Variants in SCN2B observed in about 807,000 individuals in gnomAD.
SCN2B encodes the protein sodium voltage-gated channel beta subunit 2, also known as sodium channel regulatory subunit beta-2.
Under a neutral mutation model 18.2 loss-of-function variants are expected in SCN2B, and 14 were observed. That is an observed-to-expected ratio of 0.77 (90% CI 0.51 to 1.21). The LOEUF (loss-of-function observed/expected upper bound fraction) is 1.21, where lower values mean the gene tolerates loss of function less well. SCN2B is among the 50% of genes most tolerant of loss of function. The pLI is 0.00. For missense variants in SCN2B, 262 were observed against 286.9 expected (o/e 0.91, Z 0.63); for synonymous variants, 115 against 115.3 (o/e 1.00, Z 0.02).
rs1565461687 is a variant in SCN2B, at chr11:118,163,851, CAT to C, written c.*3034_*3035del. The C allele has an allele frequency of 1.3e-5, 2 of 152,216 alleles. No individual in the cohort carries two copies. The allele number at this position is 152,216 out of a possible 1,614,324, so 9.4% of individuals were successfully genotyped here. The stretch of plus-strand genomic sequence containing the variant: ...GGTAGGGAAATGGCTGCTGTGGAAA[CAT>C]CTCTCTGGTTTTCCACCTCTACTTA... On this transcript the variant is annotated 3_prime_UTR_variant, in exon 4 of 4. Transcript: ENST00000278947.
rs1948352231 is a variant in SCN2B, at chr11:118,163,690, AG to A, written c.*3196del. On this transcript the variant is annotated 3_prime_UTR_variant, in exon 4 of 4. Transcript: ENST00000278947. ...GGGCAGAGGGAGGTTCTGAGAGAGC[AG>A]GAGAGGCTGGGGCAGTTGAGAAAGT... 1 of 152,492 alleles carries A rather than the reference AG, an allele frequency of 6.6e-6. No homozygotes were observed. The highest frequency in any genetic ancestry group is 2.4e-5 in the African/African-American group (1 of 41,432). 9.4% of individuals were successfully genotyped at this position (152,492 alleles called of 1,614,324 possible). A position where few individuals can be genotyped will look rare whatever the true frequency, so the allele number is the denominator to read the frequency against.
At chr11:118,167,184 C>T in intron 3 of SCN2B, 98 bp from the exon 4 acceptor site, 1 of 1,269,226 alleles carries the variant, frequency 7.9e-7, no homozygotes, top group Non-Finnish European at 1.1e-6. Flanking sequence ...CCTGACTTTA[C>T]TCTCCTCCAC....
rs1022090325 is a variant in SCN2B, at chr11:118,168,804, G to A, written c.71-53C>T. The stretch of plus-strand genomic sequence containing the variant: ...GAGTCTGGCTGAAAGGGCTGGGGAG[G>A]GGCAAGCCCTCTGTGCCTGGGAGTG... On this transcript the variant is annotated intron_variant, in intron 1 of 3. Coordinates refer to ENST00000278947, the MANE Select transcript of SCN2B (RefSeq NM_004588.5). This position sits in a 1 kb window ranked among gnomAD's most constrained non-coding sequence, Gnocchi z 4.7. The A allele has an allele frequency of 1.6e-5, 26 of 1,599,144 alleles. No homozygotes were observed. Among genetic ancestry groups the A allele is most frequent in the East Asian group, 6.7e-5 (3 of 44,808 alleles).
rs1264534993 is a variant in SCN2B at position 118,174,093 on chromosome 11, T to TTTGTTG, written c.70+2268_70+2269insCAACAA. On this transcript the variant is annotated intron_variant, in intron 1 of 3. Transcript: ENST00000278947. ...CATGCCTGGCTTATTTTTCTTTTCT[T>TTTGTTG]TTTTTTTTTTTTTTTTTTTTTTTTT... 2.5e-4 allele frequency among the ~76,000 whole-genome samples: 11 copies of TTTGTTG among 43,188 alleles called. 1 individual carries two copies. Among genetic ancestry groups the TTTGTTG allele is most frequent in the African/African-American group, 8.6e-4 (11 of 12,818 alleles). 28.3% of individuals were successfully genotyped at this position (43,188 alleles called of 152,430 possible).
rs751437266 is a variant in SCN2B, at chr11:118,168,672, G to A, written c.150C>T (p.Cys50=). Residue 50 remains cysteine, a synonymous_variant, in exon 2 of 4, where the codon TGC becomes TGT. Transcript: ENST00000278947. The surrounding 1 kb of genome is among the most constrained non-coding windows in gnomAD (Gnocchi z 4.7). ...TCACTGTGTAGCAGGAGTTGAAGGT[G>A]CAGGGCAGGCGGGCGTCAGAGCCAT... ...VLNGSDARLP[C]TFNSCYTVNH... The A allele has an allele frequency of 2.5e-6, 4 of 1,614,124 alleles. No homozygotes were observed. In the Admixed American group the frequency reaches 5.0e-5, roughly 20 times the overall value.
chr11:118,171,880 G>C (rs998238665), intron 1 of SCN2B, among the ~76,000 whole-genome samples: 1 of 152,232 alleles, frequency 6.6e-6, no homozygotes, highest in Non-Finnish European at 1.5e-5. Flanking sequence ...CTGGAGCTGA[G>C]ATCAGAAACC....
chr11:118,168,558 T>G lies in SCN2B; in HGVS notation c.237+27A>C. 1 of 1,613,844 alleles carries G rather than the reference T, an allele frequency of 6.2e-7. No homozygotes were observed. Among genetic ancestry groups the G allele is most frequent in the Non-Finnish European group, 8.5e-7 (1 of 1,179,822 alleles). ...GCCATGGGGCTCCTACCTCCTCCCC[T>G]GCCCCTGCCTTCAGCCCAGGACTCA... is the stretch of plus-strand genomic sequence containing the variant. On this transcript the variant is annotated intron_variant, in intron 2 of 3. Transcript: ENST00000278947. The surrounding 1 kb of genome is among the most constrained non-coding windows in gnomAD (Gnocchi z 4.7).
intron 3 of SCN2B, among the ~76,000 whole-genome samples, 192 bp from the exon 4 acceptor site, chr11:118,167,278 C>T (rs532593030): frequency 1.1e-4 from 17 of 152,334 alleles, no homozygotes; most frequent in African/African-American, 4.1e-4. Flanking sequence ...ACACCCAAAG[C>T]CCCCAGAGGA....
chr11:118,169,816 T>C (rs1218303831), intron 1 of SCN2B, among the ~76,000 whole-genome samples: 4 of 152,074 alleles, frequency 2.6e-5, no homozygotes, highest in Non-Finnish European at 4.4e-5. Flanking sequence ...CCTGTCCCAC[T>C]CCGACATTCT....
At position 118,168,750 on chromosome 11, in the gene SCN2B, C is replaced by T. The variant is rs1259687873; in HGVS notation, c.72G>A (p.Val24=). Residue 24 remains valine, a splice_region_variant and synonymous_variant, in exon 2 of 4, where the codon GTG becomes GTA. Coordinates refer to ENST00000278947, the MANE Select transcript of SCN2B (RefSeq NM_004588.5). The surrounding 1 kb of genome is among the most constrained non-coding windows in gnomAD (Gnocchi z 4.7). ...TGACCTCCATGCTCCGTCCTGGTGG[C>T]ACTGCAGATGAAGCCACAAGCTGGT... ...LTGLSLFFSL[V]PPGRSMEVTV... The T allele has an allele frequency of 1.9e-6, 3 of 1,614,072 alleles. No homozygotes were observed. Among genetic ancestry groups the T allele is most frequent in the South Asian group, 1.1e-5 (1 of 91,090 alleles).
chr11:118,167,367 C>T (rs776889846), intron 3 of SCN2B, among the ~76,000 whole-genome samples: 5 of 152,272 alleles, frequency 3.3e-5, no homozygotes, highest in East Asian at 1.9e-4. Flanking sequence ...GTACAACTTA[C>T]GAATTGCGTG....
In SCN2B at chr11:118,168,099, T is replaced by C. The variant is rs371375392; in HGVS notation, c.434A>G (p.Gln145Arg). ...CCAGCCTTCACCTTCCATGAGGACC[T>C]GCAGATGGATCTTGCCATGGCCACG... ...RHRGHGKIHL[Q>R]VLMEEPPERD... Residue 145 changes from glutamine to arginine, a missense_variant, in exon 3 of 4, where the codon CAG (glutamine) becomes CGG (arginine). By Grantham distance (43) the Gln-to-Arg change is conservative. Transcript: ENST00000278947. The surrounding 1 kb of genome is among the most constrained non-coding windows in gnomAD (Gnocchi z 4.7). 8.7e-6 allele frequency: 14 copies of C among 1,613,822 alleles called. No homozygotes were observed. In the African/African-American group the frequency reaches 1.1e-4, roughly 12 times the overall value.
Position 118,176,379 on chromosome 11 carries a change from C to A in SCN2B, c.53G>T (p.Ser18Ile). The change falls in exon 1 of 4, where the codon AGT (serine) becomes ATT (isoleucine). Residue 18 changes from serine to isoleucine, a missense_variant. Transcript: ENST00000278947. ...TAACTTACCCAAAGAGAAAAAGAGA[C>A]TGAGCCCCGTGAGGCTGAAGGCAGG... ...PRPAFSLTGLSLFFSLVPPGR... is the reference protein window; with the variant it reads ...PRPAFSLTGLILFFSLVPPGR... 1 of 1,614,032 alleles carries A rather than the reference C, an allele frequency of 6.2e-7. No homozygotes were observed. Among genetic ancestry groups the A allele is most frequent in the East Asian group, 2.2e-5 (1 of 44,882 alleles).
intron 1 of SCN2B, among the ~76,000 whole-genome samples, chr11:118,175,151 T>C (rs1343098844): frequency 2.0e-5 from 3 of 152,250 alleles, no homozygotes; most frequent in Admixed American, 6.5e-5. Flanking sequence ...AGCATTCTTA[T>C]GTTAGCCATC....
At position 118,166,750 on chromosome 11, in the gene SCN2B, C is replaced by A. The variant is rs1320451376; in HGVS notation, c.*137G>T. On this transcript the variant is annotated 3_prime_UTR_variant, in exon 4 of 4. Coordinates refer to ENST00000278947, the MANE Select transcript of SCN2B (RefSeq NM_004588.5). ...TGGTGCAGGGTGGGAGATACGAAGTCGGGGGTTCAGGAGGCCCCAGGTGGG... is the reference window on the plus strand; with the variant it reads ...TGGTGCAGGGTGGGAGATACGAAGTAGGGGGTTCAGGAGGCCCCAGGTGGG... The A allele has an allele frequency of 2.1e-6, 2 of 936,822 alleles. No homozygotes were observed. The highest frequency in any genetic ancestry group is 3.9e-5 in the Admixed American group (2 of 51,274). 58.0% of individuals were successfully genotyped at this position (936,822 alleles called of 1,614,324 possible). A position where few individuals can be genotyped will look rare whatever the true frequency, so the allele number is the denominator to read the frequency against.
At position 118,167,037 on chromosome 11, in the gene SCN2B, G is replaced by A. The variant is rs200709238; in HGVS notation, c.498C>T (p.Val166=). Residue 166 remains valine (V), a synonymous_variant, in exon 4 of 4, where the codon GTC becomes GTT. Coordinates refer to ENST00000278947, the MANE Select transcript of SCN2B (RefSeq NM_004588.5). ...STVAVIVGAS[V]GGFLAVVILV... is the part of the protein sequence containing the mutation. ...AGATGACCACAGCCAGGAAGCCCCC[G>A]ACGGAGGCACCCACAATCACGGCCA... 1.1e-4 allele frequency: 182 copies of A among 1,613,580 alleles called. No individual in the cohort carries two copies. In the Middle Eastern group the frequency reaches 1.7e-3, roughly 15 times the overall value.
At chr11:118,173,677 T>C (rs547649791) in intron 1 of SCN2B, among the ~76,000 whole-genome samples, 72 of 152,342 alleles carry the variant, frequency 4.7e-4, no homozygotes, top group Non-Finnish European at 8.1e-4. Flanking sequence ...TTGCCATACA[T>C]ACAATGTTGT....
rs139441684 is a variant in SCN2B at position 118,164,175 on chromosome 11, C to G, written c.*2712G>C. 1.2e-4 allele frequency: 19 copies of G among 152,328 alleles called. No individual in the cohort carries two copies. Among genetic ancestry groups the G allele is most frequent in the African/African-American group, 4.3e-4 (18 of 41,556 alleles). 9.4% of individuals were successfully genotyped at this position (152,328 alleles called of 1,614,324 possible). ...ACTAGGAAAGCCCGCAAATAATTCC[C>G]CTAAATGTTATGGATCCTGGAAAAA... On this transcript the variant is annotated 3_prime_UTR_variant, in exon 4 of 4. Transcript: ENST00000278947.
At chr11:118,172,474 G>A (rs923411083) in intron 1 of SCN2B, among the ~76,000 whole-genome samples, 3 of 152,188 alleles carry the variant, frequency 2.0e-5, no homozygotes, top group Non-Finnish European at 2.9e-5. Flanking sequence ...CAAGGCATCC[G>A]ATCTCTTGCC....
Sources: gnomAD v4.1 joint callset for allele counts (sites outside exome capture counted in the v4.1 genomes callset) on GRCh38, gnomAD v4.1.1 for gene constraint, Gnocchi (gnomAD v3.1) non-coding constraint, MANE v1.5 for transcripts, NCBI Gene and HGNC (gene_info 2026-07-23, HGNC 2026-07-21) for gene names.